ESCO2: variants seen among roughly 807,000 people sequenced by gnomAD.
ESCO2 encodes N-acetyltransferase ESCO2.
Under a neutral mutation model 61.7 loss-of-function variants are expected in ESCO2, and 51 were observed. The ratio of observed to expected loss-of-function variants is 0.83; its 90% CI spans 0.66 to 1.04. The LOEUF is 1.04. ESCO2 is among the 50% of genes least tolerant of loss of function. The probability of loss-of-function intolerance (pLI) is 0.00; values close to 1 mark genes in which losing one functional copy is unlikely to be tolerated. For synonymous variants in ESCO2, 230 were observed against 238.2 expected (o/e 0.97, Z 0.32); for missense variants, 692 against 686.2 (o/e 1.01, Z -0.09).
rs1296548612 is a variant in ESCO2, at chr8:27,777,082, G to A, written c.774G>A (p.Arg258=). 2 of 1,604,484 alleles carry A rather than the reference G, an allele frequency of 1.2e-6. No individual in the cohort carries two copies. The highest frequency in any genetic ancestry group is 1.1e-5 in the South Asian group (1 of 88,038). ...TVSEKKTFAT[R]QVPKCLVLEE... is the part of the protein sequence containing the mutation. ...GTGAAAAAAAAACTTTTGCGACAAGGCAAGTGCCAAAGTGCTTGGTCCTAG... is the reference window on the plus strand; with the variant it reads ...GTGAAAAAAAAACTTTTGCGACAAGACAAGTGCCAAAGTGCTTGGTCCTAG... The change falls in exon 3 of 11, where the codon AGG becomes AGA. Residue 258 remains arginine, a synonymous_variant. Transcript: ENST00000305188.
At chr8:27,816,343 C>CTATATATATATATATATA (rs767822258), downstream of ESCO2, among the ~76,000 whole-genome samples, 6 of 136,362 alleles carry the variant, frequency 4.4e-5, no homozygotes, top group East Asian at 2.3e-4. Context: ...TCATCGAATA[C>CTATATATATATATATATA]TATATATATA....
chr8:27,812,640 A>AAC (rs1805714202), downstream of ESCO2: 2 of 144,960 alleles, frequency 1.4e-5, no homozygotes, highest in Non-Finnish European at 1.5e-5. Context: ...AAAAAAAAAA[A>AAC]ACATCAAAAA....
chr8:27,801,969 A>ATTTTT lies in ESCO2; in HGVS notation c.1674-1318_1674-1314dup, dbSNP rs34539100. 1.3e-3 allele frequency among the ~76,000 whole-genome samples: 110 copies of ATTTTT among 83,786 alleles called. 6 individuals are homozygous for ATTTTT. The highest frequency in any genetic ancestry group is 2.3e-3 in the South Asian group (5 of 2,190). 55.0% of individuals were successfully genotyped at this position (83,786 alleles called of 152,430 possible). ...TGTTGTCTCAAATGTCCTTCATGGC[A>ATTTTT]TTTTTTTTTTTTTTTTTTTTTTTGC... On this transcript the variant is annotated intron_variant, in intron 10 of 10. Coordinates refer to ENST00000305188, the MANE Select transcript of ESCO2 (RefSeq NM_001017420.3).
At chr8:27,789,279 A>G (rs1228801978) in intron 7 of ESCO2, among the ~76,000 whole-genome samples, 2 of 152,146 alleles carry the variant, frequency 1.3e-5, no homozygotes, top group African/African-American at 4.8e-5. Flanking sequence ...TTCTGAGAGG[A>G]GAGGTCCCAC....
chr8:27,790,203 A>G (rs1463487467), intron 7 of ESCO2, among the ~76,000 whole-genome samples: 3 of 152,348 alleles, frequency 2.0e-5, no homozygotes, highest in East Asian at 3.9e-4. Context: ...AAGCCAGACT[A>G]TACCATACGG....
downstream of ESCO2, chr8:27,810,543 T>C: frequency 7.8e-7 from 1 of 1,278,684 alleles, no homozygotes; most frequent in Non-Finnish European, 1.1e-6. Context: ...AAAATCACTT[T>C]ATGTCATGGA....
At chr8:27,775,746 T>G (rs1804775650) in intron 2 of ESCO2, among the ~76,000 whole-genome samples, 179 bp downstream of exon 2, 2 of 152,264 alleles carry the variant, frequency 1.3e-5, no homozygotes, top group Non-Finnish European at 2.9e-5. Flanking sequence ...TCATAATGAA[T>G]TATTTAGTCC....
At chr8:27,811,136 T>A (rs1358563281), downstream of ESCO2, 1 of 1,613,694 alleles carries the variant, frequency 6.2e-7, no homozygotes, top group Admixed American at 1.7e-5. Flanking sequence ...GGTCAGTCAC[T>A]GAAACAAGCA....
At chr8:27,779,833 AT>A in intron 3 of ESCO2, 1 of 228,768 alleles carries the variant, frequency 4.4e-6, no homozygotes, top group Non-Finnish European at 8.8e-6. Context: ...CGCCCAGCTA[AT>A]TTTTGTATTT....
chr8:27,776,337 C>T, intron 2 of ESCO2, 25 bp from the exon 3 acceptor site: 1 of 1,572,394 alleles, frequency 6.4e-7, no homozygotes, highest in Non-Finnish European at 8.7e-7. Flanking sequence ...ATAATCTTAT[C>T]AATGGACTTT....
downstream of ESCO2, among the ~76,000 whole-genome samples, chr8:27,815,387 G>A (rs1805790058): frequency 1.3e-5 from 2 of 152,184 alleles, no homozygotes; most frequent in African/African-American, 2.4e-5. Context: ...GATGAGTGGT[G>A]TCTCTATGGT....
the ESCO2 span, among the ~76,000 whole-genome samples, chr8:27,818,720 A>G: frequency 1.3e-5 from 2 of 151,902 alleles, no homozygotes; most frequent in Non-Finnish European, 2.9e-5. Context: ...CCCCTCTCCA[A>G]CCCACTGTGA....
At position 27,777,077 on chromosome 8, in the gene ESCO2, A is replaced by T. The variant is rs779466646; in HGVS notation, c.769A>T (p.Thr257Ser). Residue 257 changes from threonine to serine, a missense_variant, in exon 3 of 11, where the codon ACA becomes TCA. Coordinates refer to ENST00000305188, the MANE Select transcript of ESCO2 (RefSeq NM_001017420.3). ...ETVSEKKTFA[T>S]RQVPKCLVLE... ...TGTCAGTGAAAAAAAAACTTTTGCGACAAGGCAAGTGCCAAAGTGCTTGGT... is the reference window on the plus strand; with the variant it reads ...TGTCAGTGAAAAAAAAACTTTTGCGTCAAGGCAAGTGCCAAAGTGCTTGGT... 11 of 1,605,210 alleles carry T rather than the reference A, an allele frequency of 6.9e-6. 1 individual carries two copies. In the South Asian group the frequency reaches 1.1e-4, roughly 17 times the overall value.
chr8:27,787,950 A>G lies in ESCO2; in HGVS notation c.1079A>G (p.Lys360Arg). The change falls in exon 6 of 11, where the codon AAA (lysine) becomes AGA (arginine). Residue 360 changes from lysine (K) to arginine (R), a missense_variant. Lys to Arg is a conservative substitution (Grantham distance 26). Transcript: ENST00000305188. ...TTCATGAAACAGACCAATATCCAGAAAAATACTAATACCAGAGATACAAGT... is the reference window on the plus strand; with the variant it reads ...TTCATGAAACAGACCAATATCCAGAGAAATACTAATACCAGAGATACAAGT... ...VNFMKQTNIQKNTNTRDTSKK... is the reference protein window; with the variant it reads ...VNFMKQTNIQRNTNTRDTSKK... 6.2e-7 allele frequency: 1 copy of G among 1,613,878 alleles called. No homozygotes were observed. The highest frequency in any genetic ancestry group is 8.5e-7 in the Non-Finnish European group (1 of 1,179,902).
At chr8:27,772,721 T>C, upstream of ESCO2, 2 of 605,934 alleles carry the variant, frequency 3.3e-6, no homozygotes, top group Non-Finnish European at 6.0e-6. Context: ...CGAGGCGAAG[T>C]GTAGTGGCAA....
chr8:27,784,824 G>A (rs1467428226), intron 5 of ESCO2, among the ~76,000 whole-genome samples: 2 of 152,154 alleles, frequency 1.3e-5, no homozygotes, highest in African/African-American at 2.4e-5. Flanking sequence ...TATTAAGCAA[G>A]GAACTTCCCG....
intron 4 of ESCO2, among the ~76,000 whole-genome samples, chr8:27,781,454 G>A (rs1804925714): frequency 6.6e-6 from 1 of 152,012 alleles, no homozygotes; most frequent in South Asian, 2.1e-4. Flanking sequence ...TTACAGAAAA[G>A]TTAAAGTACA....
At chr8:27,782,140 G>A (rs565849797) in intron 4 of ESCO2, among the ~76,000 whole-genome samples, 7 of 151,968 alleles carry the variant, frequency 4.6e-5, no homozygotes, top group Admixed American at 3.3e-4. Flanking sequence ...CTTCCTTCTC[G>A]GACAGTGAGA....
intron 9 of ESCO2, 41 bp from the exon 10 acceptor site, chr8:27,799,500 T>A: frequency 1.2e-6 from 2 of 1,606,276 alleles, no homozygotes; most frequent in Non-Finnish European, 1.7e-6. Context: ...TGTGAACTCA[T>A]CTGTGGTGTT....
Sources: allele counts gnomAD v4.1 joint callset (sites outside exome capture counted in the v4.1 genomes callset), GRCh38; gene constraint gnomAD v4.1.1; transcripts MANE v1.5; gene names NCBI Gene and HGNC (gene_info 2026-07-23, HGNC 2026-07-21).